CCDC116: variants seen among roughly 807,000 people sequenced by gnomAD.
CCDC116 encodes coiled-coil domain containing 116.
A neutral mutation model predicts 29.4 loss-of-function variants in CCDC116; 24 were observed. The ratio of observed to expected loss-of-function variants is 0.82; its 90% CI spans 0.59 to 1.15. The LOEUF (loss-of-function observed/expected upper bound fraction) is 1.15, where lower values mean the gene tolerates loss of function less well. Ranked by LOEUF, CCDC116 falls within the 50% of genes most tolerant of loss-of-function variation. The pLI, the probability that CCDC116 is intolerant of heterozygous loss-of-function variation, is 0.00. For synonymous variants in CCDC116, 298 were observed against 331.4 expected, an observed-to-expected ratio of 0.90 and a Z score of 1.10; for missense variants, 791 against 804.0, an observed-to-expected ratio of 0.98 and a Z score of 0.20.
In CCDC116 at chr22:21,633,144, A is replaced by T; in HGVS notation, c.-38A>T. 1 of 1,509,776 alleles carries T rather than the reference A, an allele frequency of 6.6e-7. No homozygotes were observed. 93.5% of individuals were successfully genotyped at this position (1,509,776 alleles called of 1,614,324 possible). A position where few individuals can be genotyped will look rare whatever the true frequency, so the allele number is the denominator to read the frequency against. On this transcript the variant is annotated 5_prime_UTR_variant, in exon 2 of 5. Coordinates refer to ENST00000292779, the MANE Select transcript of CCDC116 (RefSeq NM_152612.3). The stretch of plus-strand genomic sequence containing the variant: ...GAGAGGAATGCGCAGCTGAAGAGAG[A>T]GGTGGGCAGCAGGCCCGGTCACCTG...
Position 21,636,921 on chromosome 22 carries a change from A to C in CCDC116, c.1693A>C (p.Met565Leu). ...QLSPLEPKLY[M>L]SACTGMGSSP... ...CAGCCCTTTGGAGCCCAAGCTCTAC[A>C]TGTCTGCCTGCACCGGCATGGGTTC... Residue 565 changes from methionine to leucine, a missense_variant, in exon 5 of 5, where the codon ATG becomes CTG. Met to Leu is a conservative substitution (Grantham distance 15). Coordinates refer to ENST00000292779, the MANE Select transcript of CCDC116 (RefSeq NM_152612.3). 6.2e-7 allele frequency: 1 copy of C among 1,613,810 alleles called. No individual in the cohort carries two copies. The highest frequency in any genetic ancestry group is 8.5e-7 in the Non-Finnish European group (1 of 1,180,032).
chr22:21,635,798 T>C, intron 4 of CCDC116: 1 of 586,138 alleles, frequency 1.7e-6, no homozygotes, highest in East Asian at 2.8e-5. Context: ...TTTTTTATGC[T>C]GGGTATTTTT....
chr22:21,634,834 G>A lies in CCDC116; in HGVS notation c.771G>A (p.Glu257=). Residue 257 remains glutamate (E), a synonymous_variant, in exon 4 of 5, where the codon GAG becomes GAA. Transcript: ENST00000292779. ...GSSSGVPEAS[E]PRPGEQEPIF... Reference sequence around the variant, plus strand: ...GCTCTGGCGTGCCTGAAGCATCAGAGCCGAGGCCTGGAGAACAGGAGCCAA... The same window carrying A: ...GCTCTGGCGTGCCTGAAGCATCAGAACCGAGGCCTGGAGAACAGGAGCCAA... 2.5e-6 allele frequency: 4 copies of A among 1,614,028 alleles called. No individual in the cohort carries two copies. In the South Asian group the frequency reaches 4.4e-5, roughly 18 times the overall value.
In CCDC116 at chr22:21,634,772, C is replaced by A. The variant is rs771705454; in HGVS notation, c.709C>A (p.Gln237Lys). 1 of 1,613,978 alleles carries A rather than the reference C, an allele frequency of 6.2e-7. No homozygotes were observed. Among genetic ancestry groups the A allele is most frequent in the South Asian group, 1.1e-5 (1 of 91,086 alleles). Residue 237 changes from glutamine to lysine, a missense_variant, in exon 4 of 5, where the codon CAG becomes AAG. By Grantham distance (53) the Gln-to-Lys change is moderately conservative. Transcript: ENST00000292779. ...GACCAGCTTTCAGTGGACACAGGAG[C>A]AGCCCTTGTCCTGGTTCTCAGGGCT... ...SQTSFQWTQE[Q>K]PLSWFSGLLG...
Position 21,634,103 on chromosome 22 carries a change from T to C in CCDC116, c.154T>C (p.Cys52Arg), listed in dbSNP as rs748456755. Residue 52 changes from cysteine (C) to arginine (R), a missense_variant, in exon 3 of 5, where the codon TGT becomes CGT. Transcript: ENST00000292779. The stretch of plus-strand genomic sequence containing the variant: ...CCGTGTGCCACACCCACCATCCACA[T>C]GTGGCAGCTCAGCACTCCAGGGCCA... Reference protein sequence around the residue: ...PGRVPHPPSTCGSSALQGQRR... With the variant: ...PGRVPHPPSTRGSSALQGQRR... 1 of 1,614,224 alleles carries C rather than the reference T, an allele frequency of 6.2e-7. No individual in the cohort carries two copies. The highest frequency in any genetic ancestry group is 2.2e-5 in the East Asian group (1 of 44,892).
At chr22:21,635,397 A>T in intron 4 of CCDC116, 131 bp downstream of exon 4, 1 of 871,282 alleles carries the variant, frequency 1.1e-6, no homozygotes, top group Non-Finnish European at 1.9e-6. Context: ...CAGCCCTGGC[A>T]GGGCCTGCAC....
chr22:21,637,133 C>T lies in CCDC116; in HGVS notation c.*63C>T. 5.3e-6 allele frequency: 8 copies of T among 1,495,422 alleles called. No individual in the cohort carries two copies. In the South Asian group the frequency reaches 1.1e-4, roughly 20 times the overall value. 92.6% of individuals were successfully genotyped at this position (1,495,422 alleles called of 1,614,324 possible). On this transcript the variant is annotated 3_prime_UTR_variant, in exon 5 of 5. Coordinates refer to ENST00000292779, the MANE Select transcript of CCDC116 (RefSeq NM_152612.3). ...ACTCCGTGGACGTGGGCCACGGTGA[C>T]CCACCATGAAGTCCCCACTAGCCAC...
At position 21,634,922 on chromosome 22, in the gene CCDC116, G is replaced by A. The variant is rs199750621; in HGVS notation, c.859G>A (p.Asp287Asn). ...ATTACTGAGCCAGCTGGAGTCCCTC[G>A]ACCTGCCTGGCTACTGTCCGCTCCG... ...KSLLSQLESL[D>N]LPGYCPLREP... Residue 287 changes from aspartate (D) to asparagine (N), a missense_variant, in exon 4 of 5, where the codon GAC (aspartate) becomes AAC (asparagine). Asp to Asn is a conservative substitution (Grantham distance 23). Transcript: ENST00000292779. 82 of 1,613,768 alleles carry A rather than the reference G, an allele frequency of 5.1e-5. No individual in the cohort carries two copies. Among genetic ancestry groups the A allele is most frequent in the Admixed American group, 5.0e-4 (30 of 59,992 alleles).
rs765875742 is a variant in CCDC116, at chr22:21,634,164, A to G, written c.215A>G (p.His72Arg). The G allele has an allele frequency of 6.2e-7, 1 of 1,614,236 alleles. No individual in the cohort carries two copies. The highest frequency in any genetic ancestry group is 8.5e-7 in the Non-Finnish European group (1 of 1,180,032). Residue 72 changes from histidine (H) to arginine (R), a missense_variant, in exon 3 of 5, where the codon CAC becomes CGC. Coordinates refer to ENST00000292779, the MANE Select transcript of CCDC116 (RefSeq NM_152612.3). ...RNKRHPQPFG[H>R]FLDFLTESQV... ...AAGAGGCACCCTCAGCCCTTTGGCC[A>G]CTTTCTGGATTTCCTAACTGAGAGC...
rs773737350 is a variant in CCDC116 at position 21,636,431 on chromosome 22, G to A, written c.1204-1G>A. The A allele has an allele frequency of 1.2e-6, 2 of 1,611,524 alleles. No individual in the cohort carries two copies. Among genetic ancestry groups the A allele is most frequent in the Admixed American group, 3.3e-5 (2 of 59,964 alleles). On this transcript the variant is annotated splice_acceptor_variant, in intron 4 of 4. Coordinates refer to ENST00000292779, the MANE Select transcript of CCDC116 (RefSeq NM_152612.3). LOFTEE classifies it high-confidence loss of function. ...CCTTTCCCTCCCCGGCTGCTATGCA[G>A]AGCCCCTGCAGCAGCAGCAGGTTCA...
chr22:21,635,473 T>C, intron 4 of CCDC116: 1 of 704,036 alleles, frequency 1.4e-6, no homozygotes. Flanking sequence ...TCAGGGGCCC[T>C]GTCACACCTC....
intron 4 of CCDC116, chr22:21,635,695 T>C (rs1930773077): frequency 6.2e-6 from 4 of 645,758 alleles, no homozygotes; most frequent in South Asian, 5.2e-5. Context: ...TGCCCTGCAC[T>C]GTGGAAACCT....
Position 21,634,213 on chromosome 22 carries a change from A to G in CCDC116, c.264A>G (p.Thr88=). The G allele has an allele frequency of 1.2e-6, 2 of 1,614,192 alleles. No individual in the cohort carries two copies. The highest frequency in any genetic ancestry group is 2.7e-5 in the African/African-American group (2 of 75,064). Residue 88 remains threonine (T), a synonymous_variant, in exon 3 of 5, where the codon ACA becomes ACG. Transcript: ENST00000292779. The part of the protein sequence containing the change: ...TESQVLDSLE[T]VVEKATERMA... ...GCCAGGTCCTGGACAGCCTGGAGAC[A>G]GTGGTGGAGAAGGCGACTGAGCGCA...
intron 4 of CCDC116, chr22:21,635,599 G>A (rs771706035): frequency 1.4e-5 from 10 of 702,804 alleles, no homozygotes; most frequent in African/African-American, 7.0e-5. Flanking sequence ...AAGTAGGACC[G>A]GGCATGAGTT....
Position 21,634,726 on chromosome 22 carries a change from G to C in CCDC116, c.663G>C (p.Leu221=). 1 of 1,612,372 alleles carries C rather than the reference G, an allele frequency of 6.2e-7. No individual in the cohort carries two copies. Among genetic ancestry groups the C allele is most frequent in the Non-Finnish European group, 8.5e-7 (1 of 1,178,702 alleles). ...SQSCSQRDSL[L]WDSLGSQTSF... ...CCTGCTCCCAGAGGGACTCCCTGCT[G>C]TGGGATTCGCTGGGTAGCCAGACCA... Residue 221 remains leucine (L), a synonymous_variant, in exon 4 of 5, where the codon CTG becomes CTC. Transcript: ENST00000292779.
Position 21,635,031 on chromosome 22 carries a change from A to C in CCDC116, c.968A>C (p.Lys323Thr), listed in dbSNP as rs374934917. 6.2e-7 allele frequency: 1 copy of C among 1,610,486 alleles called. No individual in the cohort carries two copies. Among genetic ancestry groups the C allele is most frequent in the African/African-American group, 1.3e-5 (1 of 74,890 alleles). ...LQSVVSQAVD[K>T]LRGAHCRDGR... is the part of the protein sequence containing the mutation. ...AGCGTGGTCAGCCAGGCTGTGGATA[A>C]GCTCCGTGGCGCCCACTGCCGCGAC... Residue 323 changes from lysine to threonine, a missense_variant, in exon 4 of 5, where the codon AAG (lysine) becomes ACG (threonine). Lys to Thr is a moderately conservative substitution (Grantham distance 78). Transcript: ENST00000292779.
At chr22:21,635,994 G>T (rs1930785121) in intron 4 of CCDC116, among the ~76,000 whole-genome samples, 1 of 152,204 alleles carries the variant, frequency 6.6e-6, no homozygotes, top group South Asian at 2.1e-4. Flanking sequence ...CAGGGAGGAT[G>T]TGTACAAGAC....
intron 4 of CCDC116, 74 bp downstream of exon 4, chr22:21,635,340 C>G: frequency 7.6e-7 from 1 of 1,316,706 alleles, no homozygotes; most frequent in Non-Finnish European, 1.1e-6. Context: ...GACTCAGATC[C>G]CAAATTACAA....
rs1186854876 is a variant in CCDC116 at position 21,636,622 on chromosome 22, C to G, written c.1394C>G (p.Ser465Cys). 6.2e-7 allele frequency: 1 copy of G among 1,614,038 alleles called. No homozygotes were observed. Among genetic ancestry groups the G allele is most frequent in the African/African-American group, 1.3e-5 (1 of 74,930 alleles). ...CTCAGTAAGCAGCTGGGCTTCTTCT[C>G]CTTCCCCATCACCCACGTGCTCAGG... ...KDLSKQLGFFSFPITHVLRDL... is the reference protein window; with the variant it reads ...KDLSKQLGFFCFPITHVLRDL... Residue 465 changes from serine to cysteine, a missense_variant, in exon 5 of 5, where the codon TCC becomes TGC. Physicochemically the swap from Ser to Cys is moderately radical, Grantham distance 112. Transcript: ENST00000292779.
Sources: gnomAD v4.1 joint callset for allele counts (sites outside exome capture counted in the v4.1 genomes callset) on GRCh38, gnomAD v4.1.1 for gene constraint, MANE v1.5 for transcripts, NCBI Gene and HGNC (gene_info 2026-07-23, HGNC 2026-07-21) for gene names.